The following LRRC4C variants were observed in gnomAD, a reference collection of about 807,000 sequenced individuals.
LRRC4C encodes leucine rich repeat containing 4C, also known as leucine-rich repeat-containing protein 4C.
A neutral mutation model predicts 33.6 loss-of-function variants in LRRC4C; 5 were observed. The ratio of observed to expected loss-of-function variants is 0.15; its 90% CI spans 0.08 to 0.31. The LOEUF is 0.31. Ranked by LOEUF, LRRC4C falls within the 10% of genes least tolerant of loss-of-function variation. LRRC4C has a pLI of 1.00. For synonymous variants in LRRC4C, 329 were observed against 302.0 expected, an observed-to-expected ratio of 1.09 and a Z score of -0.93; for missense variants, 560 against 796.7, an observed-to-expected ratio of 0.70 and a Z score of 3.58.
chr11:40,171,972 G>A (rs1168952002), intron 5 of LRRC4C, among the ~76,000 whole-genome samples: 2 of 152,162 alleles, frequency 1.3e-5, no homozygotes, highest in East Asian at 3.9e-4. Flanking sequence ...AGCTGAGATT[G>A]CACCACTGCA....
intron 2 of LRRC4C, among the ~76,000 whole-genome samples, chr11:40,806,057 G>A (rs977795739): frequency 2.6e-5 from 4 of 152,020 alleles, no homozygotes; most frequent in East Asian, 3.9e-4. Flanking sequence ...GTTTTGCTAC[G>A]TATAATTTCT....
At chr11:40,724,209 A>G (rs1411316855) in intron 2 of LRRC4C, among the ~76,000 whole-genome samples, 2 of 152,182 alleles carry the variant, frequency 1.3e-5, no homozygotes, top group African/African-American at 4.8e-5. Context: ...CTGAGAAAGA[A>G]AACTGTCAAC....
At chr11:41,225,770 T>A (rs1465722268) in intron 1 of LRRC4C, among the ~76,000 whole-genome samples, 1 of 152,126 alleles carries the variant, frequency 6.6e-6, no homozygotes, top group African/African-American at 2.4e-5. Context: ...CCCAACAAAT[T>A]GGAAACTTTT....
intron 1 of LRRC4C, among the ~76,000 whole-genome samples, chr11:41,083,712 G>A (rs1939748662): frequency 6.6e-6 from 1 of 152,134 alleles, no homozygotes; most frequent in Non-Finnish European, 1.5e-5. Context: ...ACACTGTAGT[G>A]GCCCTTGGAT....
intron 3 of LRRC4C, among the ~76,000 whole-genome samples, chr11:40,354,247 G>A (rs1208864698): frequency 6.6e-6 from 1 of 152,134 alleles, no homozygotes; most frequent in Non-Finnish European, 1.5e-5. Flanking sequence ...GCTGCCTGGA[G>A]CTGCGGGAGG....
intron 4 of LRRC4C, among the ~76,000 whole-genome samples, chr11:40,283,649 T>C (rs550761354): frequency 1.3e-5 from 2 of 151,588 alleles, no homozygotes; most frequent in East Asian, 1.9e-4. Flanking sequence ...ACTATGTTAG[T>C]TAGATGTGGG....
At chr11:40,381,392 C>T (rs1447998521) in intron 3 of LRRC4C, among the ~76,000 whole-genome samples, 1 of 152,036 alleles carries the variant, frequency 6.6e-6, no homozygotes, top group Admixed American at 6.6e-5. Context: ...ACAACTGTAG[C>T]CCAGGTGACA....
chr11:40,514,321 A>G (rs1368243970), intron 3 of LRRC4C, among the ~76,000 whole-genome samples: 1 of 152,248 alleles, frequency 6.6e-6, no homozygotes, highest in Non-Finnish European at 1.5e-5. Flanking sequence ...ACTACACCCT[A>G]GTGGTAAAGT....
intron 1 of LRRC4C, among the ~76,000 whole-genome samples, chr11:40,963,148 T>C (rs1851087499): frequency 6.6e-6 from 1 of 151,752 alleles, no homozygotes; most frequent in Admixed American, 6.6e-5. Flanking sequence ...GTGCACACTA[T>C]TATTTTTATT....
At chr11:40,117,978 TG>T (rs1447290151) in intron 6 of LRRC4C, among the ~76,000 whole-genome samples, 5 of 150,404 alleles carry the variant, frequency 3.3e-5, no homozygotes, top group African/African-American at 1.2e-4. Flanking sequence ...ATGATAGATA[TG>T]GTTATTATTT....
intron 1 of LRRC4C, among the ~76,000 whole-genome samples, chr11:41,085,634 T>C (rs1451466983): frequency 1.3e-5 from 2 of 152,266 alleles, no homozygotes; most frequent in East Asian, 1.9e-4. Flanking sequence ...TTGTTATGCT[T>C]CAGGAACCTG....
intron 2 of LRRC4C, among the ~76,000 whole-genome samples, chr11:40,870,814 A>G (rs1399741857): frequency 1.3e-5 from 2 of 152,188 alleles, no homozygotes; most frequent in Non-Finnish European, 2.9e-5. Flanking sequence ...GGGCACCTTG[A>G]AAAAAGAACA....
At chr11:40,460,296 G>A (rs1458624036) in intron 3 of LRRC4C, among the ~76,000 whole-genome samples, 2 of 151,728 alleles carry the variant, frequency 1.3e-5, no homozygotes, top group Non-Finnish European at 2.9e-5. Context: ...GGAACGGAGG[G>A]ATTTTAATTT....
At chr11:40,142,873 C>A (rs1418749052) in intron 5 of LRRC4C, among the ~76,000 whole-genome samples, 1 of 152,128 alleles carries the variant, frequency 6.6e-6, no homozygotes, top group African/African-American at 2.4e-5. Context: ...TTGGAGGCTT[C>A]AAAAATCAAC....
chr11:41,204,778 A>T (rs1946532607), intron 1 of LRRC4C, among the ~76,000 whole-genome samples: 1 of 152,040 alleles, frequency 6.6e-6, no homozygotes. Context: ...GCCAGGCACT[A>T]TGGAATATAA....
At chr11:40,316,828 C>A (rs1238768257) in intron 4 of LRRC4C, among the ~76,000 whole-genome samples, 1 of 151,812 alleles carries the variant, frequency 6.6e-6, no homozygotes. Flanking sequence ...GCCAGGAAAC[C>A]AGATAGCCTT....
At chr11:40,543,509 T>C (rs555238123) in intron 3 of LRRC4C, among the ~76,000 whole-genome samples, 44 of 152,190 alleles carry the variant, frequency 2.9e-4, no homozygotes, top group African/African-American at 1.0e-3. Flanking sequence ...ATTCACTGAA[T>C]TGAAATACGT....
At chr11:40,552,010 T>C (rs1015122587) in intron 3 of LRRC4C, among the ~76,000 whole-genome samples, 1 of 152,312 alleles carries the variant, frequency 6.6e-6, no homozygotes, top group East Asian at 1.9e-4. Context: ...GAAAAAAGAT[T>C]GACCTCTTTC....
intron 2 of LRRC4C, among the ~76,000 whole-genome samples, chr11:40,693,893 A>C (rs904712622): frequency 2.0e-5 from 3 of 152,146 alleles, no homozygotes; most frequent in African/African-American, 7.2e-5. Flanking sequence ...TTGTGTCCAG[A>C]CACACTCTGC....
Sources: gnomAD v4.1 joint callset for allele counts (sites outside exome capture counted in the v4.1 genomes callset) on GRCh38, gnomAD v4.1.1 for gene constraint, MANE v1.5 for transcripts, NCBI Gene and HGNC (gene_info 2026-07-23, HGNC 2026-07-21) for gene names.